Variants in MAP2K3 observed in about 807,000 individuals in gnomAD.
MAP2K3 encodes the protein dual specificity mitogen-activated protein kinase kinase 3.
In MAP2K3, 30 loss-of-function variants were observed where a neutral mutation model predicts 46.4. The ratio of observed to expected loss-of-function variants is 0.65; its 90% CI spans 0.48 to 0.88. The LOEUF (loss-of-function observed/expected upper bound fraction) is 0.88, where lower values mean the gene tolerates loss of function less well. MAP2K3 is among the 40% of genes least tolerant of loss of function. MAP2K3 has a pLI of 0.00. For synonymous variants in MAP2K3, 189 were observed against 176.3 expected, an observed-to-expected ratio of 1.07 and a Z score of -0.57; for missense variants, 380 against 464.5, an observed-to-expected ratio of 0.82 and a Z score of 1.67.
intron 1 of MAP2K3, among the ~76,000 whole-genome samples, chr17:21,292,135 G>A (rs1234408754): frequency 6.6e-6 from 1 of 151,918 alleles, no homozygotes; most frequent in Non-Finnish European, 1.5e-5. Flanking sequence ...GACAGTCTCT[G>A]GGGCACCCTC....
chr17:21,288,381 T>C (rs1418102388), intron 1 of MAP2K3, among the ~76,000 whole-genome samples: 1 of 152,176 alleles, frequency 6.6e-6, no homozygotes, highest in Non-Finnish European at 1.5e-5. Context: ...AGTGACTGTT[T>C]ACCACCCTTG....
intron 3 of MAP2K3, among the ~76,000 whole-genome samples, chr17:21,299,195 C>T (rs1305648336): frequency 6.6e-6 from 1 of 152,296 alleles, no homozygotes; most frequent in Non-Finnish European, 1.5e-5. Context: ...GAGCAAGGCC[C>T]TGCACCTCAT....
At chr17:21,294,642 C>T (rs1205952598) in intron 1 of MAP2K3, among the ~76,000 whole-genome samples, 2 of 152,424 alleles carry the variant, frequency 1.3e-5, no homozygotes, top group East Asian at 1.9e-4. Flanking sequence ...ATGCTTGATA[C>T]AACAGATAAG....
At chr17:21,304,613 A>G in intron 8 of MAP2K3, 60 bp downstream of exon 8, 4 of 1,609,700 alleles carry the variant, frequency 2.5e-6, no homozygotes, top group Non-Finnish European at 3.4e-6. Context: ...AAATCTGCCC[A>G]GGCTGGCCAC....
intron 3 of MAP2K3, among the ~76,000 whole-genome samples, chr17:21,299,681 CAA>C (rs68190120): frequency 2.1e-4 from 28 of 132,978 alleles, no homozygotes; most frequent in Middle Eastern, 3.8e-3. Context: ...GACCCCGTTT[CAA>C]AAAAAAAAAA....
intron 10 of MAP2K3, among the ~76,000 whole-genome samples, chr17:21,313,190 G>T (rs563230799): frequency 6.6e-6 from 1 of 152,198 alleles, no homozygotes; most frequent in Admixed American, 6.5e-5. Flanking sequence ...GATACCAAGT[G>T]TGTGACTGTT....
At chr17:21,308,417 G>A (rs1163668457) in intron 9 of MAP2K3, among the ~76,000 whole-genome samples, 22 of 152,362 alleles carry the variant, frequency 1.4e-4, no homozygotes, top group Middle Eastern at 3.4e-3. Context: ...CAAAGTGTTG[G>A]GATTACAGGC....
At chr17:21,298,739 G>T in intron 2 of MAP2K3, 139 bp from the exon 3 acceptor site, 1 of 1,289,338 alleles carries the variant, frequency 7.8e-7, no homozygotes. Context: ...CAGCCAGTGA[G>T]AGGAGGTGGC....
At chr17:21,298,629 T>A (rs997835663) in intron 2 of MAP2K3, 150 bp downstream of exon 2, 6 of 1,328,134 alleles carry the variant, frequency 4.5e-6, no homozygotes, top group Non-Finnish European at 5.4e-6. Context: ...AGGTGACGGC[T>A]GCTGGGGGTT....
At chr17:21,298,760 G>T in intron 2 of MAP2K3, 118 bp from the exon 3 acceptor site, 1 of 1,475,586 alleles carries the variant, frequency 6.8e-7, no homozygotes, top group Non-Finnish European at 9.4e-7. Context: ...CGGAGAAGGC[G>T]CCTCCGGGGC....
chr17:21,291,278 C>T (rs557717101), intron 1 of MAP2K3, among the ~76,000 whole-genome samples: 1 of 141,024 alleles, frequency 7.1e-6, no homozygotes, highest in East Asian at 2.0e-4. Context: ...CAATAGAATA[C>T]AATACAATAG....
At chr17:21,297,774 G>A (rs1034104921) in intron 1 of MAP2K3, among the ~76,000 whole-genome samples, 1 of 760 alleles carries the variant, frequency 1.3e-3, no homozygotes, top group Middle Eastern at 0.25. Context: ...GTACTGCCCC[G>A]GGACTCTGGC....
intron 6 of MAP2K3, 80 bp downstream of exon 6, chr17:21,302,339 CCT>C: frequency 2.1e-6 from 3 of 1,458,746 alleles, no homozygotes; most frequent in South Asian, 2.3e-5. Context: ...ATGGAGCCTG[CCT>C]ATTGATGGTG....
chr17:21,314,511 C>A lies in MAP2K3; in HGVS notation c.*281C>A. 1 of 459,922 alleles carries A rather than the reference C, an allele frequency of 2.2e-6. No homozygotes were observed. The highest frequency in any genetic ancestry group is 2.6e-5 in the South Asian group (1 of 38,810). The allele number at this position is 459,922 out of a possible 1,614,324, so 28.5% of individuals were successfully genotyped here. On this transcript the variant is annotated 3_prime_UTR_variant, in exon 12 of 12. Transcript: ENST00000342679. ...CTGCTGAGATCCTGGACTGAGGGGG[C>A]CTGGATGCCCCCTGTGGATGCTGCT... is the stretch of plus-strand genomic sequence containing the variant.
chr17:21,288,989 A>T (rs111781479), intron 1 of MAP2K3, among the ~76,000 whole-genome samples: 4,701 of 152,332 alleles, frequency 0.031, 85 homozygotes, highest in Middle Eastern at 0.051. Context: ...GAGATTGAAG[A>T]TAGCATTTGT....
chr17:21,302,873 T>C, intron 6 of MAP2K3, among the ~76,000 whole-genome samples: 1 of 152,304 alleles, frequency 6.6e-6, no homozygotes, highest in East Asian at 1.9e-4. Flanking sequence ...GGAGGGGAGA[T>C]GGGACAGGGA....
intron 1 of MAP2K3, among the ~76,000 whole-genome samples, chr17:21,291,909 A>T (rs1210173959): frequency 6.6e-6 from 1 of 152,312 alleles, no homozygotes; most frequent in Non-Finnish European, 1.5e-5. Context: ...TGGCCCCTTC[A>T]CCCGTTCATA....
At chr17:21,300,371 C>CA (rs1976524086) in intron 3 of MAP2K3, 174 bp from the exon 4 acceptor site, 3 of 677,414 alleles carry the variant, frequency 4.4e-6, no homozygotes, top group Non-Finnish European at 7.7e-6. Flanking sequence ...TCGTGAGGCT[C>CA]AGAGAGGTTA....
chr17:21,287,947 G>A, intron 1 of MAP2K3: 3 of 1,048,516 alleles, frequency 2.9e-6, no homozygotes, highest in Non-Finnish European at 2.6e-6. Flanking sequence ...AAAGACTGGA[G>A]GTGGCACCTC....
Sources: allele counts gnomAD v4.1 joint callset (sites outside exome capture counted in the v4.1 genomes callset), GRCh38; gene constraint gnomAD v4.1.1; transcripts MANE v1.5; gene names NCBI Gene and HGNC (gene_info 2026-07-23, HGNC 2026-07-21).